Variants in FFAR4 observed in about 807,000 individuals in gnomAD.
FFAR4 encodes G-protein coupled receptor 120.
FFAR4 carries 19 observed loss-of-function variants against 27.0 expected under a neutral mutation model. The ratio of observed to expected loss-of-function variants is 0.70; its 90% CI spans 0.49 to 1.03. The LOEUF (loss-of-function observed/expected upper bound fraction) is 1.03, where lower values mean the gene tolerates loss of function less well. Among genes scored for constraint, FFAR4 ranks in the 50% least tolerant of loss-of-function variants. The pLI is 0.00. For missense variants in FFAR4, 476 were observed against 479.0 expected (o/e 0.99, Z 0.06); for synonymous variants, 254 against 215.6 (o/e 1.18, Z -1.56).
intron 1 of FFAR4, among the ~76,000 whole-genome samples, chr10:93,571,885 G>A (rs2058133839): frequency 6.6e-6 from 1 of 152,146 alleles, no homozygotes; most frequent in South Asian, 2.1e-4. Flanking sequence ...GGTACTGCAG[G>A]AAGAATCATC....
chr10:93,583,974 G>A (rs147617340), intron 2 of FFAR4, among the ~76,000 whole-genome samples: 19 of 152,328 alleles, frequency 1.2e-4, no homozygotes, highest in African/African-American at 4.6e-4. Context: ...TGAAGCTGCT[G>A]TCAGAATCAG....
At chr10:93,580,540 C>G (rs1172812885) in intron 2 of FFAR4, among the ~76,000 whole-genome samples, 1 of 152,218 alleles carries the variant, frequency 6.6e-6, no homozygotes, top group East Asian at 1.9e-4. Context: ...TGCTGCAGGA[C>G]TTCTCAGGAC....
chr10:93,572,940 A>C (rs981114765), intron 1 of FFAR4, among the ~76,000 whole-genome samples: 3 of 152,226 alleles, frequency 2.0e-5, no homozygotes, highest in African/African-American at 7.2e-5. Flanking sequence ...GGGGGATCCA[A>C]GTCACACTTA....
At chr10:93,578,907 C>T (rs971141555) in intron 2 of FFAR4, among the ~76,000 whole-genome samples, 1 of 152,170 alleles carries the variant, frequency 6.6e-6, no homozygotes, top group Non-Finnish European at 1.5e-5. Flanking sequence ...CTCCTGAGTT[C>T]CTTAGGCGCC....
At chr10:93,568,494 C>T (rs1283270295) in intron 1 of FFAR4, among the ~76,000 whole-genome samples, 7 of 152,102 alleles carry the variant, frequency 4.6e-5, no homozygotes, top group Admixed American at 1.3e-4. Flanking sequence ...ACAGGAATCA[C>T]GGTCCCAAAG....
At position 93,576,072 on chromosome 10, in the gene FFAR4, T is replaced by C. The variant is rs2058161951; in HGVS notation, c.568-19T>C. 3 of 1,613,074 alleles carry C rather than the reference T, an allele frequency of 1.9e-6. No individual in the cohort carries two copies. The highest frequency in any genetic ancestry group is 1.3e-5 in the African/African-American group (1 of 74,886). Reference sequence around the variant, plus strand: ...AGAAGCCAGCATTTACATGATGTTCTTTTCCTTTTTGTAACTAGGAAATTT... The same window carrying C: ...AGAAGCCAGCATTTACATGATGTTCCTTTCCTTTTTGTAACTAGGAAATTT... On this transcript the variant is annotated intron_variant, in intron 1 of 2. Transcript: ENST00000371481.
chr10:93,571,596 A>G (rs906766394), intron 1 of FFAR4, among the ~76,000 whole-genome samples: 1 of 152,096 alleles, frequency 6.6e-6, no homozygotes, highest in Non-Finnish European at 1.5e-5. Context: ...CTAATTTAAT[A>G]CCAGGCTAGT....
chr10:93,567,154 G>T lies in FFAR4; in HGVS notation c.434G>T (p.Arg145Leu). The change falls in exon 1 of 3, where the codon CGC (arginine) becomes CTC (leucine). Residue 145 changes from arginine (R) to leucine (L), a missense_variant. By Grantham distance (102) the Arg-to-Leu change is moderately radical. Transcript: ENST00000371481. Reference sequence around the variant, plus strand: ...ATGGTGTGCATCGTGCACCTGCAGCGCGGCGTGCGGGGTCCTGGGCGGCGG... The same window carrying T: ...ATGGTGTGCATCGTGCACCTGCAGCTCGGCGTGCGGGGTCCTGGGCGGCGG... Reference protein sequence around the residue: ...ERMVCIVHLQRGVRGPGRRAR... With the variant: ...ERMVCIVHLQLGVRGPGRRAR... The T allele has an allele frequency of 6.2e-7, 1 of 1,605,328 alleles. No individual in the cohort carries two copies.
At position 93,582,531 on chromosome 10, in the gene FFAR4, C is replaced by T. The variant is rs971284613; in HGVS notation, c.697-4689C>T. 1.4e-4 allele frequency among the ~76,000 whole-genome samples: 18 copies of T among 127,396 alleles called. No individual in the cohort carries two copies. The South Asian group carries it at 3.7e-3, about 26-fold the overall frequency. The allele number at this position is 127,396 out of a possible 152,430, so 83.6% of individuals were successfully genotyped here. On this transcript the variant is annotated intron_variant, in intron 2 of 2. Transcript: ENST00000371481. ...TGCACTCCAGCCTGGGCAACAAGAG[C>T]GAAACTCCATCTCAAAAAAAAAAAA... is the stretch of plus-strand genomic sequence containing the variant.
chr10:93,569,913 G>T (rs954266877), intron 1 of FFAR4, among the ~76,000 whole-genome samples: 12 of 151,806 alleles, frequency 7.9e-5, no homozygotes, highest in Non-Finnish European at 1.5e-4. Flanking sequence ...ACAAAAATTA[G>T]CTGGGTGTGG....
At chr10:93,567,563 C>A (rs866698212) in intron 1 of FFAR4, among the ~76,000 whole-genome samples, 1 of 152,178 alleles carries the variant, frequency 6.6e-6, no homozygotes, top group South Asian at 2.1e-4. Context: ...AGTTTAGGAG[C>A]GAGACGGAAC....
rs893470579 is a variant in FFAR4, at chr10:93,589,450, A to T, written c.*1841A>T. ...AAATGACTTGTAAATATACCTTGGG[A>T]AGGTAAAACAAAGATGATTTATTGA... On this transcript the variant is annotated 3_prime_UTR_variant, in exon 3 of 3. Transcript: ENST00000371481. 1.3e-5 allele frequency: 2 copies of T among 152,118 alleles called. No homozygotes were observed. Among genetic ancestry groups the T allele is most frequent in the Non-Finnish European group, 2.9e-5 (2 of 68,030 alleles). The allele number at this position is 152,118 out of a possible 1,614,324, so 9.4% of individuals were successfully genotyped here. A position where few individuals can be genotyped will look rare whatever the true frequency, so the allele number is the denominator to read the frequency against.
At chr10:93,575,520 G>T (rs899896413) in intron 1 of FFAR4, among the ~76,000 whole-genome samples, 1 of 152,194 alleles carries the variant, frequency 6.6e-6, no homozygotes, top group Non-Finnish European at 1.5e-5. Context: ...GCTGATCTTT[G>T]CCTTGGGGCT....
intron 1 of FFAR4, among the ~76,000 whole-genome samples, chr10:93,572,480 G>A (rs2058137229): frequency 6.6e-6 from 1 of 152,216 alleles, no homozygotes; most frequent in African/African-American, 2.4e-5. Flanking sequence ...CAGAGGAGAG[G>A]GAGAAGGACC....
chr10:93,567,160 T>C lies in FFAR4; in HGVS notation c.440T>C (p.Val147Ala). 1 of 1,604,864 alleles carries C rather than the reference T, an allele frequency of 6.2e-7. No individual in the cohort carries two copies. Among genetic ancestry groups the C allele is most frequent in the Non-Finnish European group, 8.5e-7 (1 of 1,178,566 alleles). ...MVCIVHLQRG[V>A]RGPGRRARAV... is the part of the protein sequence containing the mutation. ...TGCATCGTGCACCTGCAGCGCGGCG[T>C]GCGGGGTCCTGGGCGGCGGGCGCGG... The change falls in exon 1 of 3, where the codon GTG (valine) becomes GCG (alanine). Residue 147 changes from valine to alanine, a missense_variant. Transcript: ENST00000371481.
intron 2 of FFAR4, among the ~76,000 whole-genome samples, chr10:93,584,528 A>G (rs1025697976): frequency 1.3e-5 from 2 of 152,352 alleles, no homozygotes; most frequent in Middle Eastern, 3.4e-3. Flanking sequence ...TGTGCGGCAC[A>G]GTGCCGGCCA....
intron 2 of FFAR4, among the ~76,000 whole-genome samples, chr10:93,582,250 TA>T (rs1387705079): frequency 6.6e-6 from 1 of 151,970 alleles, no homozygotes; most frequent in African/African-American, 2.4e-5. Flanking sequence ...CTCTCAGTGC[TA>T]AAAAAGATCC....
chr10:93,576,001 TGTAA>T (rs745515797), intron 1 of FFAR4, 86 bp from the exon 2 acceptor site: 9 of 1,317,516 alleles, frequency 6.8e-6, no homozygotes, highest in African/African-American at 2.9e-5. Context: ...AATGCAACCG[TGTAA>T]GTGTCAGGAA....
chr10:93,582,544 CAAAAAAAA>C (rs56934747), intron 2 of FFAR4, among the ~76,000 whole-genome samples: 2 of 99,252 alleles, frequency 2.0e-5, no homozygotes, highest in Non-Finnish European at 2.1e-5. Flanking sequence ...AACTCCATCT[CAAAAAAAA>C]AAAAAAAAAA....
Sources: allele counts gnomAD v4.1 joint callset (sites outside exome capture counted in the v4.1 genomes callset), GRCh38; gene constraint gnomAD v4.1.1; transcripts MANE v1.5; gene names NCBI Gene and HGNC (gene_info 2026-07-23, HGNC 2026-07-21).